The following CCNJL variants were observed in gnomAD, a reference collection of about 807,000 sequenced individuals.
CCNJL encodes the protein cyclin J like, also known as cyclin-J-like protein.
A neutral mutation model predicts 33.4 loss-of-function variants in CCNJL; 33 were observed. That is an observed-to-expected ratio of 0.99 (90% CI 0.75 to 1.32). The LOEUF (loss-of-function observed/expected upper bound fraction) is 1.32, where lower values mean the gene tolerates loss of function less well. Among genes scored for constraint, CCNJL ranks in the 40% most tolerant of loss-of-function variants. The pLI, the probability that CCNJL is intolerant of heterozygous loss-of-function variation, is 0.00. For synonymous variants in CCNJL, 227 were observed against 220.9 expected (o/e 1.03, Z -0.24); for missense variants, 512 against 499.7 (o/e 1.02, Z -0.23).
intron 2 of CCNJL, among the ~76,000 whole-genome samples, chr5:160,303,618 G>T (rs1274088727): frequency 6.6e-6 from 1 of 151,784 alleles, no homozygotes; most frequent in Non-Finnish European, 1.5e-5. Context: ...GTTTCCAAGT[G>T]GTAGGATTGT....
At chr5:160,261,115 C>T (rs949124484) in intron 3 of CCNJL, 4 of 152,406 alleles carry the variant, frequency 2.6e-5, no homozygotes, top group African/African-American at 9.6e-5. Flanking sequence ...GACCCAGTTC[C>T]CATCTCTCAT....
chr5:160,265,125 C>T (rs963726227), intron 3 of CCNJL, among the ~76,000 whole-genome samples: 2 of 152,160 alleles, frequency 1.3e-5, no homozygotes, highest in South Asian at 2.1e-4. Context: ...CAGGCTTGAG[C>T]GCGGCCCACC....
chr5:160,291,371 T>G (rs951243190), intron 2 of CCNJL, among the ~76,000 whole-genome samples: 2 of 152,178 alleles, frequency 1.3e-5, no homozygotes, highest in Non-Finnish European at 2.9e-5. Flanking sequence ...TGGCGAAACA[T>G]CGCATACTAC....
At chr5:160,288,675 C>T (rs1041500759) in intron 2 of CCNJL, among the ~76,000 whole-genome samples, 5 of 152,000 alleles carry the variant, frequency 3.3e-5, no homozygotes, top group African/African-American at 9.6e-5. Flanking sequence ...TCGAGACCAT[C>T]CTGGCGAACA....
upstream of CCNJL, chr5:160,315,531 A>G (rs1201680962): frequency 1.0e-5 from 3 of 292,992 alleles, no homozygotes; most frequent in Middle Eastern, 4.6e-4. Context: ...AAAACAAGAG[A>G]AAGAATAAGC....
Position 160,259,472 on chromosome 5 carries a change from G to A in CCNJL, c.580C>T (p.Gln194Ter). 1.9e-6 allele frequency: 3 copies of A among 1,609,286 alleles called. No individual in the cohort carries two copies. The highest frequency in any genetic ancestry group is 2.5e-6 in the Non-Finnish European group (3 of 1,176,962). ...YAHYFLEVTL[Q>*]DHIFYKFQPS... is the part of the protein sequence containing the mutation. Reference sequence around the variant, plus strand: ...GCCATCGGGTCCCAGCTGTCACCTTGCAGGGTGACCTCTAGGAAGTAATGG... The same window carrying A: ...GCCATCGGGTCCCAGCTGTCACCTTACAGGGTGACCTCTAGGAAGTAATGG... The change falls in exon 4 of 6, where the codon CAA becomes TAA. Residue 194 changes from glutamine (Q) to a stop codon, truncating the protein, a stop_gained. Transcript: ENST00000257536. LOFTEE classifies it high-confidence loss of function.
chr5:160,338,413 CA>C (rs1763709200), intron 1 of CCNJL, among the ~76,000 whole-genome samples: 1 of 151,106 alleles, frequency 6.6e-6, no homozygotes, highest in African/African-American at 2.4e-5. Context: ...CCCCACCCCC[CA>C]AAAAAAGCCA....
At chr5:160,310,763 CAGAT>C (rs1167633590) in intron 2 of CCNJL, among the ~76,000 whole-genome samples, 3 of 152,112 alleles carry the variant, frequency 2.0e-5, no homozygotes, top group East Asian at 1.9e-4. Context: ...AACAGACAGA[CAGAT>C]AGCACCATGT....
At chr5:160,284,090 A>C (rs768934800) in intron 2 of CCNJL, among the ~76,000 whole-genome samples, 4 of 152,140 alleles carry the variant, frequency 2.6e-5, no homozygotes, top group Non-Finnish European at 5.9e-5. Flanking sequence ...AGTGGCTCAC[A>C]CCTGTAATCC....
At chr5:160,257,421 G>A (rs1761117684) in intron 4 of CCNJL, among the ~76,000 whole-genome samples, 1 of 152,064 alleles carries the variant, frequency 6.6e-6, no homozygotes, top group Non-Finnish European at 1.5e-5. Flanking sequence ...CTTGCAGTGA[G>A]CCAAGATCGT....
chr5:160,301,590 C>T (rs1436211735), intron 2 of CCNJL, among the ~76,000 whole-genome samples: 5 of 151,686 alleles, frequency 3.3e-5, no homozygotes, highest in African/African-American at 9.7e-5. Context: ...TGTGCCACCA[C>T]GCCCAGCAAT....
At chr5:160,285,651 G>A (rs1030346951) in intron 2 of CCNJL, among the ~76,000 whole-genome samples, 4 of 152,230 alleles carry the variant, frequency 2.6e-5, no homozygotes, top group African/African-American at 9.6e-5. Context: ...TCTCTCACTA[G>A]GAGAAACAGC....
At chr5:160,264,812 C>G (rs1215505365) in intron 3 of CCNJL, among the ~76,000 whole-genome samples, 2 of 152,160 alleles carry the variant, frequency 1.3e-5, no homozygotes, top group East Asian at 3.8e-4. Flanking sequence ...TATCTTCTAC[C>G]TACTGTCCTG....
upstream of CCNJL, chr5:160,312,666 T>G (rs1763315340): frequency 1.3e-5 from 2 of 151,772 alleles, no homozygotes; most frequent in African/African-American, 4.8e-5. Flanking sequence ...GGCTGGGAAT[T>G]GGAGCCTTTC....
chr5:160,333,241 G>A (rs1475343768), intron 1 of CCNJL, among the ~76,000 whole-genome samples: 1 of 151,422 alleles, frequency 6.6e-6, no homozygotes, highest in Admixed American at 6.6e-5. Context: ...TCCTGCCTCC[G>A]CCTCCCGAGT....
chr5:160,277,220 G>A lies in CCNJL; in HGVS notation c.280+3305C>T, dbSNP rs573343087. 8.5e-5 allele frequency among the ~76,000 whole-genome samples: 13 copies of A among 152,302 alleles called. No individual in the cohort carries two copies. In the South Asian group the frequency reaches 1.4e-3, roughly 17 times the overall value. On this transcript the variant is annotated intron_variant, in intron 3 of 5. Transcript: ENST00000257536. ...CTATAAAAAGGGCGGGTGACAGCAC[G>A]ACCGCATAGGCTGGTCGTGAGGATC... is the stretch of plus-strand genomic sequence containing the variant.
chr5:160,320,801 CTTT>C (rs778003448), intron 1 of CCNJL, among the ~76,000 whole-genome samples: 4 of 59,584 alleles, frequency 6.7e-5, no homozygotes, highest in East Asian at 6.3e-4. Flanking sequence ...TTCTTTCTTT[CTTT>C]CTTTCTTTCT....
chr5:160,253,010 G>GA lies in CCNJL; in HGVS notation c.*367dup, dbSNP rs1157268672. 2 of 181,400 alleles carry GA rather than the reference G, an allele frequency of 1.1e-5. No individual in the cohort carries two copies. The highest frequency in any genetic ancestry group is 2.3e-5 in the Non-Finnish European group (2 of 87,676). The allele number at this position is 181,400 out of a possible 1,614,324, so 11.2% of individuals were successfully genotyped here. ...GTGTAGCTGCCATCAGCAAAGAATA[G>GA]AAAAGTCTTTAATGCTAAAAACTGG... On this transcript the variant is annotated 3_prime_UTR_variant, in exon 6 of 6. Coordinates refer to ENST00000257536, the MANE Select transcript of CCNJL (RefSeq NM_001308173.3).
chr5:160,293,558 CAT>C (rs1286330967), intron 2 of CCNJL, among the ~76,000 whole-genome samples: 6 of 152,198 alleles, frequency 3.9e-5, no homozygotes, highest in Admixed American at 6.5e-5. Flanking sequence ...AGAATGTACA[CAT>C]GTCGGCATGC....
Sources: gnomAD v4.1 joint callset for allele counts (sites outside exome capture counted in the v4.1 genomes callset) on GRCh38, gnomAD v4.1.1 for gene constraint, MANE v1.5 for transcripts, NCBI Gene and HGNC (gene_info 2026-07-23, HGNC 2026-07-21) for gene names.